Variants in CDH18 observed in about 807,000 individuals in gnomAD.
CDH18 encodes the protein cadherin 18.
In CDH18, 31 loss-of-function variants were observed where a neutral mutation model predicts 67.9. The ratio of observed to expected loss-of-function variants is 0.46; its 90% CI spans 0.34 to 0.62. The LOEUF is 0.62. Among genes scored for constraint, CDH18 ranks in the 20% least tolerant of loss-of-function variants. The probability of loss-of-function intolerance (pLI) is 0.01; values close to 1 mark genes in which losing one functional copy is unlikely to be tolerated. For missense variants in CDH18, 890 were observed against 975.5 expected, an observed-to-expected ratio of 0.91 and a Z score of 1.17; for synonymous variants, 362 against 347.2, an observed-to-expected ratio of 1.04 and a Z score of -0.48.
At chr5:20,140,208 T>C (rs1242692026) in intron 2 of CDH18, among the ~76,000 whole-genome samples, 1 of 152,140 alleles carries the variant, frequency 6.6e-6, no homozygotes, top group Non-Finnish European at 1.5e-5. Context: ...CTGAGCAAAC[T>C]GTCACAAGGA....
At chr5:19,674,967 T>C (rs1333396394) in intron 5 of CDH18, among the ~76,000 whole-genome samples, 1 of 152,136 alleles carries the variant, frequency 6.6e-6, no homozygotes, top group Non-Finnish European at 1.5e-5. Flanking sequence ...GGTCCTTTTC[T>C]ATTTTCCCTA....
chr5:19,606,971 T>C (rs73053674), intron 6 of CDH18, among the ~76,000 whole-genome samples: 12,465 of 151,646 alleles, frequency 0.082, 805 homozygotes, highest in East Asian at 0.26. Flanking sequence ...GTAAAGGAAT[T>C]CTACAGTTGA....
At chr5:19,959,008 G>C (rs1796539157) in intron 2 of CDH18, among the ~76,000 whole-genome samples, 1 of 151,970 alleles carries the variant, frequency 6.6e-6, no homozygotes, top group Non-Finnish European at 1.5e-5. Flanking sequence ...TCTGTACCTG[G>C]TCTTTCTGTT....
At chr5:19,624,366 G>A (rs1751189320) in intron 5 of CDH18, among the ~76,000 whole-genome samples, 1 of 151,970 alleles carries the variant, frequency 6.6e-6, no homozygotes, top group Non-Finnish European at 1.5e-5. Context: ...GTCATGTTAG[G>A]CATGCTATAT....
intron 5 of CDH18, among the ~76,000 whole-genome samples, chr5:19,714,524 T>C (rs1046832212): frequency 1.3e-5 from 2 of 152,044 alleles, no homozygotes; most frequent in Non-Finnish European, 2.9e-5. Flanking sequence ...TTTTTTTTTT[T>C]TTCAGTAAAT....
intron 3 of CDH18, among the ~76,000 whole-genome samples, chr5:19,774,577 T>G (rs1319326612): frequency 6.6e-6 from 1 of 150,736 alleles, no homozygotes; most frequent in African/African-American, 2.4e-5. Flanking sequence ...ATCCCAGCAC[T>G]TTGGGAGGCT....
chr5:19,634,538 A>T (rs191413498), intron 5 of CDH18, among the ~76,000 whole-genome samples: 2 of 152,366 alleles, frequency 1.3e-5, no homozygotes, highest in Admixed American at 6.5e-5. Context: ...AAGCACAAGT[A>T]ACATCATAAG....
At chr5:20,362,683 T>C (rs1414372852) in intron 1 of CDH18, among the ~76,000 whole-genome samples, 1 of 152,166 alleles carries the variant, frequency 6.6e-6, no homozygotes, top group African/African-American at 2.4e-5. Flanking sequence ...ATGCTAGTGA[T>C]GCCTGGCAAG....
intron 1 of CDH18, among the ~76,000 whole-genome samples, chr5:20,352,913 C>G (rs545576913): frequency 1.3e-5 from 2 of 152,228 alleles, no homozygotes; most frequent in South Asian, 4.1e-4. Flanking sequence ...TTATAATAAG[C>G]TAGAATTAAA....
At chr5:19,644,393 G>GT (rs1476328986) in intron 5 of CDH18, among the ~76,000 whole-genome samples, 1 of 152,086 alleles carries the variant, frequency 6.6e-6, no homozygotes, top group African/African-American at 2.4e-5. Flanking sequence ...AAAAAAATGA[G>GT]TAAGGGATTA....
At chr5:19,706,368 G>A (rs62351334) in intron 5 of CDH18, among the ~76,000 whole-genome samples, 17,124 of 152,250 alleles carry the variant, frequency 0.11, 1,336 homozygotes, top group Non-Finnish European at 0.15. Context: ...CCATGTTAAT[G>A]CCTCTGGTCT....
At chr5:19,776,861 T>G (rs563936205) in intron 3 of CDH18, among the ~76,000 whole-genome samples, 2 of 152,162 alleles carry the variant, frequency 1.3e-5, no homozygotes, top group African/African-American at 4.8e-5. Context: ...ATAGTGAAAG[T>G]AGTAATAGGG....
intron 2 of CDH18, among the ~76,000 whole-genome samples, chr5:20,214,325 T>C (rs1206896557): frequency 6.6e-6 from 1 of 152,044 alleles, no homozygotes. Context: ...GACATTTTCT[T>C]CAGAGCTAGA....
intron 8 of CDH18, among the ~76,000 whole-genome samples, chr5:19,545,497 A>T (rs2127095120): frequency 6.6e-6 from 1 of 152,348 alleles, no homozygotes; most frequent in Non-Finnish European, 1.5e-5. Flanking sequence ...GAAAGTTGAA[A>T]ACAATTTATA....
intron 1 of CDH18, among the ~76,000 whole-genome samples, chr5:20,523,559 T>A (rs1755877069): frequency 6.6e-6 from 1 of 152,138 alleles, no homozygotes; most frequent in Non-Finnish European, 1.5e-5. Context: ...TTATTTTTTT[T>A]AGATGGAGTC....
rs527749822 is a variant in CDH18 at position 20,562,908 on chromosome 5, T to TG, written c.-580+12553dup. Reference sequence around the variant, plus strand: ...AAAATGTATATACTTATTCAGTTAATGCTGGTGTATTTCTATCATTTTTAA... The same window carrying TG: ...AAAATGTATATACTTATTCAGTTAATGGCTGGTGTATTTCTATCATTTTTAA... On this transcript the variant is annotated intron_variant, in intron 1 of 14. Coordinates refer to the CDH18 transcript ENST00000507958. Among the ~76,000 whole-genome samples, 471 of 151,972 alleles carry TG rather than the reference T, an allele frequency of 3.1e-3. 1 individual carries two copies. Among genetic ancestry groups the TG allele is most frequent in the African/African-American group, 0.011 (447 of 41,536 alleles).
intron 1 of CDH18, among the ~76,000 whole-genome samples, chr5:20,481,431 A>C (rs1045283224): frequency 1.3e-5 from 2 of 152,132 alleles, no homozygotes; most frequent in Admixed American, 6.6e-5. Flanking sequence ...CAACAAAAAC[A>C]TATCACACTT....
chr5:19,614,993 A>G (rs1488722870), intron 5 of CDH18, among the ~76,000 whole-genome samples: 1 of 152,090 alleles, frequency 6.6e-6, no homozygotes, highest in African/African-American at 2.4e-5. Flanking sequence ...TAAAAATACA[A>G]AAAATTAGCT....
chr5:20,202,531 G>A (rs1324411114), intron 2 of CDH18, among the ~76,000 whole-genome samples: 1 of 151,956 alleles, frequency 6.6e-6, no homozygotes, highest in Non-Finnish European at 1.5e-5. Flanking sequence ...GTAAAAATTA[G>A]TCTAAATCTC....
Sources: allele counts gnomAD v4.1 joint callset (sites outside exome capture counted in the v4.1 genomes callset), GRCh38; gene constraint gnomAD v4.1.1; transcripts MANE v1.5; gene names NCBI Gene and HGNC (gene_info 2026-07-23, HGNC 2026-07-21).